Variants in PSMD14 observed in about 807,000 individuals in gnomAD.
The protein encoded by PSMD14 is ubiquitin C-terminal hydrolase PSMD14.
In PSMD14, 7 loss-of-function variants were observed where a neutral mutation model predicts 41.2. The ratio of observed to expected loss-of-function variants is 0.17; its 90% CI spans 0.10 to 0.32. PSMD14 has a LOEUF of 0.32. PSMD14 is among the 10% of genes least tolerant of loss of function. The pLI, the probability that PSMD14 is intolerant of heterozygous loss-of-function variation, is 1.00. For synonymous variants in PSMD14, 114 were observed against 122.3 expected (o/e 0.93, Z 0.45); for missense variants, 139 against 375.6 (o/e 0.37, Z 5.21).
chr2:161,339,026 G>A lies in PSMD14; in HGVS notation c.48+20153G>A, dbSNP rs565921292. On this transcript the variant is annotated intron_variant, in intron 3 of 11. Coordinates refer to ENST00000409682, the MANE Select transcript of PSMD14 (RefSeq NM_005805.6). The stretch of plus-strand genomic sequence containing the variant: ...TCATTGGATGGATATATAACACTTT[G>A]TTTATCCATTAACTTGTTCATGGAT... Among the ~76,000 whole-genome samples, 5 of 152,216 alleles carry A rather than the reference G, an allele frequency of 3.3e-5. No individual in the cohort carries two copies. In the South Asian group the frequency reaches 1.0e-3, roughly 32 times the overall value.
chr2:161,388,967 A>C (rs1683670577), intron 8 of PSMD14, among the ~76,000 whole-genome samples: 2 of 152,156 alleles, frequency 1.3e-5, no homozygotes, highest in South Asian at 4.1e-4. Flanking sequence ...GCAGGTGAGT[A>C]AGTGAAATTG....
intron 11 of PSMD14, chr2:161,409,487 A>G (rs1020171434): frequency 6.6e-6 from 1 of 152,484 alleles, no homozygotes; most frequent in Non-Finnish European, 1.5e-5. Context: ...TTCATGGAAC[A>G]TGGTTATCAT....
intron 3 of PSMD14, among the ~76,000 whole-genome samples, chr2:161,333,401 A>G (rs1682822966): frequency 6.6e-6 from 1 of 152,198 alleles, no homozygotes; most frequent in African/African-American, 2.4e-5. Context: ...TGTGGGGTCA[A>G]ATTCATGGCC....
intron 3 of PSMD14, among the ~76,000 whole-genome samples, chr2:161,354,615 A>G (rs1225187207): frequency 3.9e-5 from 6 of 152,166 alleles, no homozygotes; most frequent in Non-Finnish European, 5.9e-5. Context: ...TGCTCATGGT[A>G]TATTTCACAC....
chr2:161,361,468 T>TC (rs1553506342), intron 3 of PSMD14, among the ~76,000 whole-genome samples: 54 of 151,644 alleles, frequency 3.6e-4, no homozygotes, highest in East Asian at 1.4e-3. Flanking sequence ...ATTTTTTTTT[T>TC]CACATACATA....
At chr2:161,343,615 G>A (rs968122042) in intron 3 of PSMD14, among the ~76,000 whole-genome samples, 2 of 152,204 alleles carry the variant, frequency 1.3e-5, no homozygotes, top group African/African-American at 4.8e-5. Flanking sequence ...ATCACCTGAG[G>A]TCAGGAGTTT....
intron 3 of PSMD14, among the ~76,000 whole-genome samples, chr2:161,327,275 A>C (rs993119133): frequency 2.0e-5 from 3 of 152,128 alleles, no homozygotes; most frequent in African/African-American, 7.2e-5. Flanking sequence ...TGATGAAAAA[A>C]GTTCTGGAAC....
intron 1 of PSMD14, among the ~76,000 whole-genome samples, chr2:161,310,593 AATAACAATT>A (rs1440374621): frequency 6.6e-6 from 1 of 152,244 alleles, no homozygotes; most frequent in Non-Finnish European, 1.5e-5. Flanking sequence ...AAATGATAAT[AATAACAATT>A]ATAACAAGAA....
At chr2:161,379,788 C>A (rs1328947035) in intron 7 of PSMD14, among the ~76,000 whole-genome samples, 2 of 152,030 alleles carry the variant, frequency 1.3e-5, no homozygotes, top group Non-Finnish European at 2.9e-5. Context: ...GTAGAAGAAC[C>A]ACAGACTGCA....
chr2:161,361,229 A>G (rs1466997075), intron 3 of PSMD14, among the ~76,000 whole-genome samples: 1 of 152,064 alleles, frequency 6.6e-6, no homozygotes, highest in African/African-American at 2.4e-5. Flanking sequence ...TTCCAGTACT[A>G]AGAAAAAATG....
chr2:161,332,861 T>G (rs143692985), intron 3 of PSMD14, among the ~76,000 whole-genome samples: 1 of 152,342 alleles, frequency 6.6e-6, no homozygotes, highest in East Asian at 1.9e-4. Flanking sequence ...TGGTTGGGGA[T>G]CTGACTGGCA....
At chr2:161,361,489 A>G (rs1289062596) in intron 3 of PSMD14, among the ~76,000 whole-genome samples, 2 of 152,184 alleles carry the variant, frequency 1.3e-5, no homozygotes, top group African/African-American at 4.8e-5. Context: ...TTATTGGAAA[A>G]TAGAAAATGG....
At chr2:161,407,504 CTAGA>C (rs1330616244) in intron 10 of PSMD14, 9 of 152,190 alleles carry the variant, frequency 5.9e-5, no homozygotes, top group Non-Finnish European at 1.0e-4. Context: ...GGAAAATTCT[CTAGA>C]TAGTTTGTCC....
intron 3 of PSMD14, among the ~76,000 whole-genome samples, chr2:161,339,760 C>T (rs1288323587): frequency 1.3e-5 from 2 of 152,286 alleles, no homozygotes; most frequent in Non-Finnish European, 2.9e-5. Flanking sequence ...GACTGTGTGG[C>T]TGTTGCCATG....
At chr2:161,357,700 C>T (rs2105250724) in intron 3 of PSMD14, among the ~76,000 whole-genome samples, 1 of 152,172 alleles carries the variant, frequency 6.6e-6, no homozygotes, top group East Asian at 1.9e-4. Flanking sequence ...GCAGAATATT[C>T]AGATGTTTCT....
At chr2:161,341,118 C>T (rs1025131687) in intron 3 of PSMD14, 2 of 1,332,248 alleles carry the variant, frequency 1.5e-6, no homozygotes, top group African/African-American at 1.6e-5. Flanking sequence ...CTCCTCCGGC[C>T]CCGCGGGCGA....
At chr2:161,406,212 A>G (rs1368214122) in intron 10 of PSMD14, among the ~76,000 whole-genome samples, 1 of 152,194 alleles carries the variant, frequency 6.6e-6, no homozygotes, top group Admixed American at 6.6e-5. Context: ...GATAGGGGAT[A>G]CATTGGAGGG....
intron 7 of PSMD14, chr2:161,381,265 A>G (rs1160411631): frequency 6.7e-6 from 1 of 149,972 alleles, no homozygotes; most frequent in Non-Finnish European, 1.5e-5. Flanking sequence ...TAATACATAC[A>G]TTATATATAT....
intron 3 of PSMD14, 30 bp downstream of exon 3, chr2:161,318,903 T>A (rs571503706): frequency 2.5e-6 from 4 of 1,586,666 alleles, no homozygotes; most frequent in Non-Finnish European, 3.4e-6. Context: ...AGCATTTCCT[T>A]GTGTGTAAAC....
Sources: gnomAD v4.1 joint callset for allele counts (sites outside exome capture counted in the v4.1 genomes callset) on GRCh38, gnomAD v4.1.1 for gene constraint, MANE v1.5 for transcripts, NCBI Gene and HGNC (gene_info 2026-07-23, HGNC 2026-07-21) for gene names.